FUT6: variants seen among roughly 807,000 people sequenced by gnomAD.
FUT6 encodes the protein 4-galactosyl-N-acetylglucosaminide 3-alpha-L-fucosyltransferase FUT6.
For synonymous variants in FUT6, 187 were observed against 209.9 expected (o/e 0.89, Z 0.94); for missense variants, 454 against 494.6 (o/e 0.92, Z 0.78).
chr19:5,833,637 A>G (rs1482792423), intron 2 of FUT6, among the ~76,000 whole-genome samples: 2 of 145,712 alleles, frequency 1.4e-5, no homozygotes, highest in South Asian at 2.2e-4. Context: ...TACTAAAAAT[A>G]CAAAAATTAG....
chr19:5,832,710 C>T lies in FUT6; in HGVS notation c.-12-131G>A, dbSNP rs2057124336. ...AGATGAGAAAACTGAGACCAAGTGACTCACAGCAAAAGTCAGCACAGCTGG... is the reference window on the plus strand; with the variant it reads ...AGATGAGAAAACTGAGACCAAGTGATTCACAGCAAAAGTCAGCACAGCTGG... On this transcript the variant is annotated intron_variant, in intron 2 of 2. Coordinates refer to ENST00000318336, the MANE Select transcript of FUT6 (RefSeq NM_000150.4). The surrounding 1 kb of genome is among the most constrained non-coding windows in gnomAD (Gnocchi z 4.3). The T allele has an allele frequency of 1.4e-6, 1 of 736,800 alleles. No individual in the cohort carries two copies. 45.6% of individuals were successfully genotyped at this position (736,800 alleles called of 1,614,324 possible).
At chr19:5,837,796 A>G (rs948920257) in intron 1 of FUT6, 20 of 152,166 alleles carry the variant, frequency 1.3e-4, no homozygotes, top group African/African-American at 3.9e-4. Context: ...AATAAAATAA[A>G]TAAACTGAGT....
In FUT6 at chr19:5,831,922, G is replaced by C; in HGVS notation, c.646C>G (p.Leu216Val). The change falls in exon 3 of 3, where the codon CTC becomes GTC. Residue 216 changes from leucine (L) to valine (V), a missense_variant. Coordinates refer to ENST00000318336, the MANE Select transcript of FUT6 (RefSeq NM_000150.4). This position sits in a 1 kb window ranked among gnomAD's most constrained non-coding sequence, Gnocchi z 7.0. ...VRYYQSLQAH[L>V]KVDVYGRSHK... Reference sequence around the variant, plus strand: ...GAGCGTCCGTACACGTCCACCTTGAGATGGGCCTGCAGGCTCTGGTAGTAG... The same window carrying C: ...GAGCGTCCGTACACGTCCACCTTGACATGGGCCTGCAGGCTCTGGTAGTAG... The C allele has an allele frequency of 6.2e-7, 1 of 1,614,000 alleles. No homozygotes were observed. Among genetic ancestry groups the C allele is most frequent in the Non-Finnish European group, 8.5e-7 (1 of 1,179,888 alleles).
At position 5,832,644 on chromosome 19, in the gene FUT6, G is replaced by T. The variant is rs1430016887; in HGVS notation, c.-12-65C>A. ...AATCTCCTGCTTACCAAAGCTCCAG[G>T]CCATGAGTCCTGAGAAGAGCTGTTA... On this transcript the variant is annotated intron_variant, in intron 2 of 2. Coordinates refer to ENST00000318336, the MANE Select transcript of FUT6 (RefSeq NM_000150.4). This position sits in a 1 kb window ranked among gnomAD's most constrained non-coding sequence, Gnocchi z 4.3. 13 of 1,238,404 alleles carry T rather than the reference G, an allele frequency of 1.0e-5. No homozygotes were observed. Among genetic ancestry groups the T allele is most frequent in the Admixed American group, 1.0e-4 (6 of 58,636 alleles). The allele number at this position is 1,238,404 out of a possible 1,614,324, so 76.7% of individuals were successfully genotyped here.
rs573813624 is a variant in FUT6, at chr19:5,832,756, G to C, written c.-12-177C>G. The C allele has an allele frequency of 7.9e-5, 49 of 619,174 alleles. No homozygotes were observed. The highest frequency in any genetic ancestry group is 6.8e-4 in the African/African-American group (37 of 54,446). The allele number at this position is 619,174 out of a possible 1,614,324, so 38.4% of individuals were successfully genotyped here. A position where few individuals can be genotyped will look rare whatever the true frequency, so the allele number is the denominator to read the frequency against. On this transcript the variant is annotated intron_variant, in intron 2 of 2. Coordinates refer to ENST00000318336, the MANE Select transcript of FUT6 (RefSeq NM_000150.4). The surrounding 1 kb of genome is among the most constrained non-coding windows in gnomAD (Gnocchi z 4.3). ...GCTGGTGTTTGAACAAAGGGAGCTT[G>C]GCCCAGAGTCCACTTCCTCCCACCC...
chr19:5,831,830 G>A lies in FUT6; in HGVS notation c.738C>T (p.Phe246=), dbSNP rs141349215. The change falls in exon 3 of 3, where the codon TTC becomes TTT. Residue 246 remains phenylalanine, a synonymous_variant. Transcript: ENST00000318336. This position sits in a 1 kb window ranked among gnomAD's most constrained non-coding sequence, Gnocchi z 7.0. The stretch of plus-strand genomic sequence containing the variant: ...TGTAGTCGGGGTGCAAGGAGTTCTC[G>A]AAGGCCAGATAGAACTTGTACCGGG... The part of the protein sequence containing the change: ...TLSRYKFYLA[F]ENSLHPDYIT... 0.034 allele frequency: 55,023 copies of A among 1,613,912 alleles called. 1,043 individuals carry two copies. The highest frequency in any genetic ancestry group is 0.056 in the Middle Eastern group (341 of 6,052).
chr19:5,832,734 G>C lies in FUT6; in HGVS notation c.-12-155C>G. 1 of 657,092 alleles carries C rather than the reference G, an allele frequency of 1.5e-6. No individual in the cohort carries two copies. Among genetic ancestry groups the C allele is most frequent in the South Asian group, 1.9e-5 (1 of 53,000 alleles). 40.7% of individuals were successfully genotyped at this position (657,092 alleles called of 1,614,324 possible). A position where few individuals can be genotyped will look rare whatever the true frequency, so the allele number is the denominator to read the frequency against. On this transcript the variant is annotated intron_variant, in intron 2 of 2. Transcript: ENST00000318336. The surrounding 1 kb of genome is among the most constrained non-coding windows in gnomAD (Gnocchi z 4.3). ...ACTCACAGCAAAAGTCAGCACAGCT[G>C]GTGTTTGAACAAAGGGAGCTTGGCC...
At position 5,832,557 on chromosome 19, in the gene FUT6, A is replaced by G; in HGVS notation, c.11T>C (p.Leu4Pro). 4 of 1,613,344 alleles carry G rather than the reference A, an allele frequency of 2.5e-6. No individual in the cohort carries two copies. The highest frequency in any genetic ancestry group is 3.4e-6 in the Non-Finnish European group (4 of 1,179,892). Residue 4 changes from leucine to proline, a missense_variant, in exon 3 of 3, where the codon CTG (leucine) becomes CCG (proline). By Grantham distance (98) the Leu-to-Pro change is moderately conservative (BLOSUM62 -3). Coordinates refer to ENST00000318336, the MANE Select transcript of FUT6 (RefSeq NM_000150.4). The surrounding 1 kb of genome is among the most constrained non-coding windows in gnomAD (Gnocchi z 4.3). MDP[L>P]GPAKPQWSWR... ...CGACCACTGTGGCTTGGCCGGGCCC[A>G]GGGGATCCATGGGTCAGAGTATCTG...
chr19:5,831,486 T>C lies in FUT6; in HGVS notation c.*2A>G. On this transcript the variant is annotated 3_prime_UTR_variant, in exon 3 of 3. Transcript: ENST00000318336. The surrounding 1 kb of genome is among the most constrained non-coding windows in gnomAD (Gnocchi z 7.0). ...TGGCAGCCCAGGCCCCACACCAGCC[T>C]CTCAGGTGAACCAAGCCGCTATGCC... 1 of 1,613,896 alleles carries C rather than the reference T, an allele frequency of 6.2e-7. No individual in the cohort carries two copies. Among genetic ancestry groups the C allele is most frequent in the Non-Finnish European group, 8.5e-7 (1 of 1,180,024 alleles).
Position 5,831,997 on chromosome 19 carries a change from G to A in FUT6, c.571C>T (p.Leu191=), listed in dbSNP as rs536415908. ...CAGTTGGACACTGCCCAGGCCACCA[G>A]CTCGGTCTTGGCCGAGAGGTTGAGC... ...PPLNLSAKTE[L]VAWAVSNWGP... is the part of the protein sequence containing the mutation. Residue 191 remains leucine, a synonymous_variant, in exon 3 of 3, where the codon CTG becomes TTG. Transcript: ENST00000318336. This position sits in a 1 kb window ranked among gnomAD's most constrained non-coding sequence, Gnocchi z 7.0. The A allele has an allele frequency of 6.2e-7, 1 of 1,613,962 alleles. No homozygotes were observed. The highest frequency in any genetic ancestry group is 1.3e-5 in the African/African-American group (1 of 75,054).
At position 5,837,186 on chromosome 19, in the gene FUT6, C is replaced by T. The variant is rs61546992; in HGVS notation, c.-141+1491G>A. On this transcript the variant is annotated intron_variant, in intron 1 of 2. Coordinates refer to ENST00000318336, the MANE Select transcript of FUT6 (RefSeq NM_000150.4). The stretch of plus-strand genomic sequence containing the variant: ...CCAAGTAGCTGGGATTACAGGCGCC[C>T]CCCACCACACCCAGGTAATTTCTGT... Among the ~76,000 whole-genome samples, 859 of 151,628 alleles carry T rather than the reference C, an allele frequency of 5.7e-3. 23 individuals carry two copies. In the East Asian group the frequency reaches 0.064, roughly 11 times the overall value.
At chr19:5,836,013 C>T (rs1055260283) in intron 1 of FUT6, among the ~76,000 whole-genome samples, 2 of 151,904 alleles carry the variant, frequency 1.3e-5, no homozygotes, top group Admixed American at 6.6e-5. Flanking sequence ...CTCAGCCTCT[C>T]GAGTAGCTGG....
chr19:5,832,088 G>T lies in FUT6; in HGVS notation c.480C>A (p.Ser160Arg). Residue 160 changes from serine to arginine, a missense_variant, in exon 3 of 3, where the codon AGC (serine) becomes AGA (arginine). Coordinates refer to ENST00000318336, the MANE Select transcript of FUT6 (RefSeq NM_000150.4). This position sits in a 1 kb window ranked among gnomAD's most constrained non-coding sequence, Gnocchi z 4.3. ...CGTAGGGCGTGAAGATGTCGGAGTC[G>T]CTGCGGTAGGACATGGTGAGATTGA... ...GYFNLTMSYRSDSDIFTPYGW... is the reference protein window; with the variant it reads ...GYFNLTMSYRRDSDIFTPYGW... 6.2e-7 allele frequency: 1 copy of T among 1,613,390 alleles called. No homozygotes were observed. Among genetic ancestry groups the T allele is most frequent in the Non-Finnish European group, 8.5e-7 (1 of 1,179,898 alleles).
intron 1 of FUT6, among the ~76,000 whole-genome samples, chr19:5,837,226 T>A (rs1224316705): frequency 2.6e-5 from 4 of 151,628 alleles, no homozygotes; most frequent in African/African-American, 4.8e-5. Flanking sequence ...TTAGTAGAGA[T>A]GGAGTTTCAC....
Position 5,830,668 on chromosome 19 carries a change from G to C in FUT6, c.*820C>G, listed in dbSNP as rs995522990. On this transcript the variant is annotated 3_prime_UTR_variant, in exon 3 of 3. Transcript: ENST00000318336. ...TGTCGCCAGGCTGGAGTGCAGTGGC[G>C]CGATCTCGGCTTACTGCAACCTCCG... The C allele has an allele frequency of 7.0e-6, 1 of 142,684 alleles. No homozygotes were observed. The highest frequency in any genetic ancestry group is 1.5e-5 in the Non-Finnish European group (1 of 67,146). The allele number at this position is 142,684 out of a possible 1,614,324, so 8.8% of individuals were successfully genotyped here.
Position 5,831,988 on chromosome 19 carries a change from A to G in FUT6, c.580T>C (p.Trp194Arg), listed in dbSNP as rs147795465. 45 of 1,613,936 alleles carry G rather than the reference A, an allele frequency of 2.8e-5. 1 individual carries two copies. In the African/African-American group the frequency reaches 5.2e-4, roughly 19 times the overall value. The change falls in exon 3 of 3, where the codon TGG (tryptophan) becomes CGG (arginine). Residue 194 changes from tryptophan to arginine, a missense_variant. Transcript: ENST00000318336. This position sits in a 1 kb window ranked among gnomAD's most constrained non-coding sequence, Gnocchi z 7.0. ...TTTGGCCCCCAGTTGGACACTGCCC[A>G]GGCCACCAGCTCGGTCTTGGCCGAG... is the stretch of plus-strand genomic sequence containing the variant. ...NLSAKTELVAWAVSNWGPNSA... is the reference protein window; with the variant it reads ...NLSAKTELVARAVSNWGPNSA...
In FUT6 at chr19:5,838,681, G is replaced by C. The variant is rs1463449140; in HGVS notation, c.-145C>G. ...AAGTGGGACAAGAGGCCTTACCTGG[G>C]GGGGCCAGTGTGCAGAGGGCCCTAG... On this transcript the variant is annotated 5_prime_UTR_variant, in exon 1 of 3. Coordinates refer to ENST00000318336, the MANE Select transcript of FUT6 (RefSeq NM_000150.4). 2.0e-5 allele frequency: 3 copies of C among 152,458 alleles called. No individual in the cohort carries two copies. Among genetic ancestry groups the C allele is most frequent in the Admixed American group, 6.5e-5 (1 of 15,292 alleles). The allele number at this position is 152,458 out of a possible 1,614,324, so 9.4% of individuals were successfully genotyped here. A position where few individuals can be genotyped will look rare whatever the true frequency, so the allele number is the denominator to read the frequency against.
At chr19:5,836,032 G>C (rs192934379) in intron 1 of FUT6, among the ~76,000 whole-genome samples, 1 of 152,084 alleles carries the variant, frequency 6.6e-6, no homozygotes, top group East Asian at 2.0e-4. Flanking sequence ...GGGACTACAA[G>C]TGTGCACCAT....
chr19:5,831,750 A>G lies in FUT6; in HGVS notation c.818T>C (p.Leu273Pro), dbSNP rs780932505. The G allele has an allele frequency of 6.2e-7, 1 of 1,612,286 alleles. No homozygotes were observed. The highest frequency in any genetic ancestry group is 1.1e-5 in the South Asian group (1 of 91,020). Reference protein sequence around the residue: ...ALEAWAVPVVLGPSRSNYERF... With the variant: ...ALEAWAVPVVPGPSRSNYERF... The stretch of plus-strand genomic sequence containing the variant: ...CTCGTAGTTGCTTCTGCTGGGGCCC[A>G]GCACCACGGGCACGGCCCAGGCCTC... The change falls in exon 3 of 3, where the codon CTG becomes CCG. Residue 273 changes from leucine (L) to proline (P), a missense_variant. Leu to Pro is a moderately conservative substitution (Grantham distance 98). Coordinates refer to ENST00000318336, the MANE Select transcript of FUT6 (RefSeq NM_000150.4). This position sits in a 1 kb window ranked among gnomAD's most constrained non-coding sequence, Gnocchi z 7.0.
Sources: gnomAD v4.1 joint callset for allele counts (sites outside exome capture counted in the v4.1 genomes callset) on GRCh38, gnomAD v4.1.1 for gene constraint, Gnocchi (gnomAD v3.1) non-coding constraint, MANE v1.5 for transcripts, NCBI Gene and HGNC (gene_info 2026-07-23, HGNC 2026-07-21) for gene names.